Variants in FBP1 observed in about 807,000 individuals in gnomAD.
FBP1 encodes fructose-bisphosphatase 1, also known as fructose-1,6-bisphosphatase 1.
In FBP1, 22 loss-of-function variants were observed where a neutral mutation model predicts 29.9. That is an observed-to-expected ratio of 0.74 (90% CI 0.53 to 1.05). The LOEUF (loss-of-function observed/expected upper bound fraction) is 1.05, where lower values mean the gene tolerates loss of function less well. Ranked by LOEUF, FBP1 falls within the 50% of genes least tolerant of loss-of-function variation. The probability of loss-of-function intolerance (pLI) is 0.00; values close to 1 mark genes in which losing one functional copy is unlikely to be tolerated. For missense variants in FBP1, 345 were observed against 448.2 expected, an observed-to-expected ratio of 0.77 and a Z score of 2.08; for synonymous variants, 175 against 178.6, an observed-to-expected ratio of 0.98 and a Z score of 0.16.
At chr9:94,619,593 G>A (rs112721637) in intron 2 of FBP1, among the ~76,000 whole-genome samples, 16 of 152,164 alleles carry the variant, frequency 1.1e-4, no homozygotes, top group African/African-American at 3.4e-4. Flanking sequence ...CAGAGATAAC[G>A]CCAGGTGTGG....
At chr9:94,629,240 A>T (rs1828068081) in intron 1 of FBP1, among the ~76,000 whole-genome samples, 1 of 151,842 alleles carries the variant, frequency 6.6e-6, no homozygotes, top group Non-Finnish European at 1.5e-5. Context: ...TTGGCCTCCC[A>T]AAGTGCTGGG....
intron 3 of FBP1, among the ~76,000 whole-genome samples, chr9:94,611,676 C>T (rs977536326): frequency 1.3e-5 from 2 of 152,148 alleles, no homozygotes; most frequent in African/African-American, 4.8e-5. Flanking sequence ...TCACTTGAAC[C>T]TGGGAGGTCG....
intron 4 of FBP1, among the ~76,000 whole-genome samples, chr9:94,608,538 C>G (rs563972297): frequency 2.0e-5 from 3 of 152,326 alleles, no homozygotes; most frequent in Admixed American, 1.3e-4. Flanking sequence ...AGTCAGCAAA[C>G]ATCAGTGGTG....
At chr9:94,628,916 A>C (rs67721291) in intron 1 of FBP1, among the ~76,000 whole-genome samples, 1 of 152,096 alleles carries the variant, frequency 6.6e-6, no homozygotes, top group African/African-American at 2.4e-5. Flanking sequence ...TGTTGTATCA[A>C]GTTTATAAAA....
chr9:94,607,027 T>A (rs1304366216), intron 4 of FBP1, 75 bp from the exon 5 acceptor site: 8 of 1,597,940 alleles, frequency 5.0e-6, no homozygotes, highest in Non-Finnish European at 6.9e-6. Context: ...AGGCGAGCGA[T>A]GGGCTGGGCT....
At position 94,617,790 on chromosome 9, in the gene FBP1, G is replaced by T. The variant is rs768565421; in HGVS notation, c.404C>A (p.Thr135Asn). The change falls in exon 3 of 7, where the codon ACC becomes AAC. Residue 135 changes from threonine to asparagine, a missense_variant. Transcript: ENST00000375326. ...SNIDCLVSVG[T>N]IFGIYRKKST... ...TACCTTTCTATAGATGCCAAAAATG[G>T]TTCCAACGGACACAAGGCAATCGAT... 1 of 1,613,360 alleles carries T rather than the reference G, an allele frequency of 6.2e-7. No individual in the cohort carries two copies. Among genetic ancestry groups the T allele is most frequent in the South Asian group, 1.1e-5 (1 of 91,060 alleles).
At chr9:94,612,687 G>C (rs886234174) in intron 3 of FBP1, among the ~76,000 whole-genome samples, 3 of 151,228 alleles carry the variant, frequency 2.0e-5, no homozygotes, top group Non-Finnish European at 4.4e-5. Context: ...CTCCCAAGTA[G>C]CTGGGATTAC....
intron 1 of FBP1, among the ~76,000 whole-genome samples, chr9:94,622,689 T>C (rs1044694371): frequency 6.6e-6 from 1 of 152,208 alleles, no homozygotes; most frequent in Non-Finnish European, 1.5e-5. Flanking sequence ...GCTGCTTCTC[T>C]TTTCACCCAT....
intron 1 of FBP1, among the ~76,000 whole-genome samples, chr9:94,623,583 G>A (rs1827979244): frequency 6.6e-6 from 1 of 152,252 alleles, no homozygotes; most frequent in Non-Finnish European, 1.5e-5. Flanking sequence ...ACACGGATGA[G>A]GCACTGAGGC....
chr9:94,618,974 T>G (rs986301211), intron 2 of FBP1, among the ~76,000 whole-genome samples: 5 of 152,148 alleles, frequency 3.3e-5, no homozygotes, highest in Non-Finnish European at 7.4e-5. Flanking sequence ...CACTTTACAA[T>G]GTCGTTTTTA....
At chr9:94,629,651 G>A (rs1265292538) in intron 1 of FBP1, among the ~76,000 whole-genome samples, 1 of 152,126 alleles carries the variant, frequency 6.6e-6, no homozygotes, top group Non-Finnish European at 1.5e-5. Flanking sequence ...CTCCTGGGGA[G>A]GTAGGGGGGA....
At chr9:94,626,976 G>A (rs1828034361) in intron 1 of FBP1, among the ~76,000 whole-genome samples, 1 of 151,992 alleles carries the variant, frequency 6.6e-6, no homozygotes, top group African/African-American at 2.4e-5. Flanking sequence ...ATCACCTGAG[G>A]CTGGGAGTTC....
intron 3 of FBP1, among the ~76,000 whole-genome samples, chr9:94,613,690 C>T (rs866376533): frequency 6.6e-6 from 1 of 151,368 alleles, no homozygotes; most frequent in Non-Finnish European, 1.5e-5. Context: ...GGCTTAAACC[C>T]GGGAGGGTGA....
chr9:94,624,645 C>T (rs1160516910), intron 1 of FBP1, among the ~76,000 whole-genome samples: 3 of 151,886 alleles, frequency 2.0e-5, no homozygotes, highest in South Asian at 2.1e-4. Context: ...AAGAGCGAAA[C>T]GCTGTCTCAA....
chr9:94,603,210 C>T lies in FBP1; in HGVS notation c.*171G>A, dbSNP rs1827636244. The T allele has an allele frequency of 1.5e-6, 1 of 662,170 alleles. No individual in the cohort carries two copies. The highest frequency in any genetic ancestry group is 1.7e-5 in the South Asian group (1 of 58,932). 41.0% of individuals were successfully genotyped at this position (662,170 alleles called of 1,614,324 possible). A position where few individuals can be genotyped will look rare whatever the true frequency, so the allele number is the denominator to read the frequency against. ...CTTAACACCAGTGGCATTATGGAGA[C>T]AGCATTTGGTTAGGGAGTGCCAAGC... On this transcript the variant is annotated 3_prime_UTR_variant, in exon 7 of 7. Transcript: ENST00000375326.
chr9:94,622,917 A>G (rs1210545864), intron 1 of FBP1, among the ~76,000 whole-genome samples: 1 of 152,158 alleles, frequency 6.6e-6, no homozygotes, highest in Non-Finnish European at 1.5e-5. Flanking sequence ...CCCCACTAGC[A>G]GCAGTGCTCT....
chr9:94,610,348 G>C (rs1827766127), intron 3 of FBP1, among the ~76,000 whole-genome samples: 1 of 152,164 alleles, frequency 6.6e-6, no homozygotes, highest in African/African-American at 2.4e-5. Context: ...TTCCAAAAAA[G>C]AGCATGCCTT....
At chr9:94,639,681 C>T (rs868440274), upstream of FBP1, among the ~76,000 whole-genome samples, 3 of 151,880 alleles carry the variant, frequency 2.0e-5, no homozygotes, top group South Asian at 2.1e-4. Flanking sequence ...TCCCAACCCC[C>T]GCCCCCACGC....
At chr9:94,629,757 A>G (rs968855137) in intron 1 of FBP1, among the ~76,000 whole-genome samples, 3 of 152,094 alleles carry the variant, frequency 2.0e-5, no homozygotes, top group African/African-American at 7.2e-5. Context: ...TGGCCTTAGG[A>G]ATGGCCCACT....
Sources: gnomAD v4.1 joint callset for allele counts (sites outside exome capture counted in the v4.1 genomes callset) on GRCh38, gnomAD v4.1.1 for gene constraint, MANE v1.5 for transcripts, NCBI Gene and HGNC (gene_info 2026-07-23, HGNC 2026-07-21) for gene names.